Variants in EPHA6 observed in about 807,000 individuals in gnomAD.
EPHA6 encodes EPH receptor A6.
In EPHA6, 50 loss-of-function variants were observed where a neutral mutation model predicts 112.0. The ratio of observed to expected loss-of-function variants is 0.45; its 90% confidence interval spans 0.36 to 0.56. EPHA6 has a LOEUF of 0.56. Among genes scored for constraint, EPHA6 ranks in the 20% least tolerant of loss-of-function variants. The pLI is 0.00. For missense variants in EPHA6, 1,280 were observed against 1,417.4 expected, an observed-to-expected ratio of 0.90 and a Z score of 1.56; for synonymous variants, 529 against 490.7, an observed-to-expected ratio of 1.08 and a Z score of -1.03.
In EPHA6 at chr3:97,248,575, T is replaced by C. The variant is rs545692986; in HGVS notation, c.1606+4288T>C. Among the ~76,000 whole-genome samples, 797 of 152,208 alleles carry C rather than the reference T, an allele frequency of 5.2e-3. 5 individuals are homozygous for C. Among genetic ancestry groups the C allele is most frequent in the Non-Finnish European group, 8.4e-3 (574 of 67,956 alleles). ...AAATTACAAACCAATTCTGCTGATA[T>C]TTGCTAAAGGGTCTTTAAAGCAATT... On this transcript the variant is annotated intron_variant, in intron 5 of 17. Transcript: ENST00000389672.
In EPHA6 at chr3:97,524,178, A is replaced by T. The variant is rs148458857; in HGVS notation, c.2201-8180A>T. Reference sequence around the variant, plus strand: ...TATTTTGTCTTTCTTCCAATCTTACAGTCTTTCTTTGTGATTTGTGTATTT... The same window carrying T: ...TATTTTGTCTTTCTTCCAATCTTACTGTCTTTCTTTGTGATTTGTGTATTT... On this transcript the variant is annotated intron_variant, in intron 10 of 17. Transcript: ENST00000389672. 5.9e-4 allele frequency among the ~76,000 whole-genome samples: 90 copies of T among 151,880 alleles called. No individual in the cohort carries two copies. In the East Asian group the frequency reaches 0.016, roughly 27 times the overall value.
At chr3:97,200,262 G>T (rs1421107448) in intron 3 of EPHA6, among the ~76,000 whole-genome samples, 1 of 152,038 alleles carries the variant, frequency 6.6e-6, no homozygotes. Flanking sequence ...TGCCCTCCAG[G>T]CTCCTTCCTG....
intron 3 of EPHA6, among the ~76,000 whole-genome samples, chr3:97,180,171 A>G (rs897129216): frequency 1.3e-5 from 2 of 152,118 alleles, no homozygotes; most frequent in Non-Finnish European, 2.9e-5. Flanking sequence ...TGTAGCCACC[A>G]GCAGTTCAGG....
intron 11 of EPHA6, among the ~76,000 whole-genome samples, chr3:97,541,686 G>A (rs527608800): frequency 6.7e-6 from 1 of 148,796 alleles, no homozygotes; most frequent in African/African-American, 2.5e-5. Context: ...TTATTTTGTA[G>A]ACTGTCCCTC....
intron 3 of EPHA6, among the ~76,000 whole-genome samples, chr3:97,138,727 C>A (rs1391673815): frequency 2.6e-5 from 4 of 152,216 alleles, no homozygotes; most frequent in African/African-American, 9.6e-5. Flanking sequence ...TGGTGTGGGT[C>A]CCTGTTGTGG....
chr3:97,207,051 A>G (rs773241803), intron 3 of EPHA6, among the ~76,000 whole-genome samples: 2 of 152,248 alleles, frequency 1.3e-5, no homozygotes, highest in East Asian at 3.9e-4. Flanking sequence ...GCTTCAACAT[A>G]AAAGTGTATA....
chr3:97,619,801 T>G (rs1163340189), intron 13 of EPHA6, among the ~76,000 whole-genome samples: 1 of 152,092 alleles, frequency 6.6e-6, no homozygotes, highest in Non-Finnish European at 1.5e-5. Flanking sequence ...TCCATGACTA[T>G]GGATAGGAAG....
chr3:97,670,807 T>G (rs975523853), intron 14 of EPHA6, among the ~76,000 whole-genome samples: 2 of 152,214 alleles, frequency 1.3e-5, no homozygotes, highest in African/African-American at 4.8e-5. Context: ...TCACACACAC[T>G]TCTATTTATA....
In EPHA6 at chr3:97,379,751, CAAAAAAAAAAAA is replaced by C. The variant is rs71623570; in HGVS notation, c.1607-25384_1607-25373del. 1.3e-4 allele frequency among the ~76,000 whole-genome samples: 4 copies of C among 30,562 alleles called. No individual in the cohort carries two copies. In the East Asian group the frequency reaches 4.2e-3, roughly 32 times the overall value. 20.0% of individuals were successfully genotyped at this position (30,562 alleles called of 152,430 possible). ...GCAAGAGGGTGAGACTCTGTCTCCC[CAAAAAAAAAAAA>C]AAAAAAAAAAAAAATTAGAAAGGAT... On this transcript the variant is annotated intron_variant, in intron 5 of 17. Transcript: ENST00000389672.
intron 3 of EPHA6, among the ~76,000 whole-genome samples, chr3:97,062,955 T>A (rs1200762293): frequency 1.3e-5 from 2 of 151,776 alleles, no homozygotes; most frequent in African/African-American, 4.8e-5. Flanking sequence ...AAAAAAAGCC[T>A]AACATCACTG....
At chr3:96,917,497 G>C (rs1254540137) in intron 2 of EPHA6, among the ~76,000 whole-genome samples, 3 of 150,674 alleles carry the variant, frequency 2.0e-5, no homozygotes, top group Non-Finnish European at 4.4e-5. Flanking sequence ...TAATAGAAGT[G>C]CACAATGCTG....
intron 5 of EPHA6, among the ~76,000 whole-genome samples, chr3:97,340,269 C>T (rs1180027680): frequency 6.6e-6 from 1 of 152,064 alleles, no homozygotes; most frequent in Admixed American, 6.5e-5. Context: ...CCACAACCAC[C>T]CGTGGTTGGA....
intron 11 of EPHA6, among the ~76,000 whole-genome samples, chr3:97,563,662 A>G (rs2093223103): frequency 6.6e-6 from 1 of 152,198 alleles, no homozygotes; most frequent in African/African-American, 2.4e-5. Context: ...AGGTAAATAT[A>G]TTTACCAGAA....
chr3:97,652,835 G>A (rs2094116130), intron 14 of EPHA6, among the ~76,000 whole-genome samples: 1 of 151,860 alleles, frequency 6.6e-6, no homozygotes, highest in African/African-American at 2.4e-5. Context: ...TTAATTAAGT[G>A]TTTTATTTGC....
intron 7 of EPHA6, among the ~76,000 whole-genome samples, chr3:97,467,626 T>C (rs568198296): frequency 7.3e-4 from 111 of 151,840 alleles, no homozygotes; most frequent in Non-Finnish European, 1.5e-3. Context: ...TTTTAAAGGA[T>C]GAAAGATATA....
chr3:97,154,563 A>G (rs1481166407), intron 3 of EPHA6, among the ~76,000 whole-genome samples: 1 of 152,188 alleles, frequency 6.6e-6, no homozygotes, highest in African/African-American at 2.4e-5. Context: ...GTGCTGTGCA[A>G]GAGATCTCAA....
At chr3:96,833,142 G>A (rs1206765647) in intron 1 of EPHA6, among the ~76,000 whole-genome samples, 1 of 150,008 alleles carries the variant, frequency 6.7e-6, no homozygotes, top group Non-Finnish European at 1.5e-5. Flanking sequence ...TGTTATTGCA[G>A]ATGTACATGG....
At chr3:97,348,268 C>G (rs1346470962) in intron 5 of EPHA6, among the ~76,000 whole-genome samples, 1 of 152,002 alleles carries the variant, frequency 6.6e-6, no homozygotes, top group Non-Finnish European at 1.5e-5. Context: ...GACTGTGTTG[C>G]AAATTCAGTT....
At chr3:97,171,759 C>G (rs1208035255) in intron 3 of EPHA6, among the ~76,000 whole-genome samples, 1 of 151,326 alleles carries the variant, frequency 6.6e-6, no homozygotes. Context: ...ATTATGATTC[C>G]CAGAAGATAA....
Sources: gnomAD v4.1 joint callset for allele counts (sites outside exome capture counted in the v4.1 genomes callset) on GRCh38, gnomAD v4.1.1 for gene constraint, MANE v1.5 for transcripts, NCBI Gene and HGNC (gene_info 2026-07-23, HGNC 2026-07-21) for gene names.